The following PTCH2 variants were observed in gnomAD, a reference collection of about 807,000 sequenced individuals.
PTCH2 encodes protein patched homolog 2.
A neutral mutation model predicts 117.9 loss-of-function variants in PTCH2; 96 were observed. That is an observed-to-expected ratio of 0.81 (90% CI 0.69 to 0.96). The LOEUF (loss-of-function observed/expected upper bound fraction) is 0.96. PTCH2 is among the 50% of genes least tolerant of loss of function. The pLI, the probability that PTCH2 is intolerant of heterozygous loss-of-function variation, is 0.00. For missense variants in PTCH2, 1,379 were observed against 1,562.5 expected, an observed-to-expected ratio of 0.88 and a Z score of 1.98; for synonymous variants, 615 against 660.9, an observed-to-expected ratio of 0.93 and a Z score of 1.06.
At chr1:44,820,193 GTGCACCATGGGTA>G (rs1369284644), downstream of PTCH2, 1 of 353,694 alleles carries the variant, frequency 2.8e-6, no homozygotes, top group Non-Finnish European at 5.7e-6. Flanking sequence ...TCTTTTCGTG[GTGCACCATGGGTA>G]TGCAAATCAC....
intron 2 of PTCH2, 39 bp downstream of exon 2, chr1:44,841,808 A>T (rs1444584311): frequency 3.1e-6 from 5 of 1,606,194 alleles, no homozygotes; most frequent in South Asian, 1.1e-5. Flanking sequence ...TCTTGGGCTC[A>T]CCATACCTGA....
At chr1:44,824,123 AT>A (rs1336952391) in intron 19 of PTCH2, among the ~76,000 whole-genome samples, 1 of 152,196 alleles carries the variant, frequency 6.6e-6, no homozygotes, top group African/African-American at 2.4e-5. Context: ...AATAGTTATT[AT>A]TTGGTCCTAT....
chr1:44,827,194 G>A lies in PTCH2; in HGVS notation c.2487C>T (p.Asp829=), dbSNP rs2295996. The change falls in exon 16 of 22, where the codon GAC becomes GAT. Residue 829 remains aspartate (D), a synonymous_variant. Coordinates refer to ENST00000372192, the MANE Select transcript of PTCH2 (RefSeq NM_003738.5). ...GGCTGAAATCCAGAGGCTCCTGGGC[G>A]TCTCCAGTCTGGATGAGCAGCTTGT... ...LAYKLLIQTG[D]AQEPLDFSQL... 265,440 of 1,613,950 alleles carry A rather than the reference G, an allele frequency of 0.16. 22,384 individuals carry two copies. The highest frequency in any genetic ancestry group is 0.23 in the East Asian group (10,252 of 44,858).
rs990727761 is a variant in PTCH2 at position 44,836,576 on chromosome 1, G to A, written c.266-4235C>T. Reference sequence around the variant, plus strand: ...TACAAAAATTAGCCAGGCGTGGTGCGCACCTGTAATCCCAGCTACTGAGGA... The same window carrying A: ...TACAAAAATTAGCCAGGCGTGGTGCACACCTGTAATCCCAGCTACTGAGGA... On this transcript the variant is annotated intron_variant, in intron 2 of 21. Coordinates refer to ENST00000372192, the MANE Select transcript of PTCH2 (RefSeq NM_003738.5). Among the ~76,000 whole-genome samples, 7 of 152,070 alleles carry A rather than the reference G, an allele frequency of 4.6e-5. 1 individual carries two copies. The highest frequency in any genetic ancestry group is 1.2e-4 in the African/African-American group (5 of 41,464).
At position 44,826,510 on chromosome 1, in the gene PTCH2, T is replaced by C. The variant is rs752127255; in HGVS notation, c.2954A>G (p.Asn985Ser). 1.2e-5 allele frequency: 19 copies of C among 1,613,084 alleles called. No homozygotes were observed. The highest frequency in any genetic ancestry group is 1.6e-4 in the Middle Eastern group (1 of 6,064). Residue 985 changes from asparagine (N) to serine (S), a missense_variant, in exon 18 of 22, where the codon AAC becomes AGC. Coordinates refer to ENST00000372192, the MANE Select transcript of PTCH2 (RefSeq NM_003738.5). This position sits in a 1 kb window ranked among gnomAD's most constrained non-coding sequence, Gnocchi z 5.1. Reference sequence around the variant, plus strand: ...CACTATGAGGCCAGCCGTCCAGGGGTTGAGGAGCAGCAGAGCACAGACGAG... The same window carrying C: ...CACTATGAGGCCAGCCGTCCAGGGGCTGAGGAGCAGCAGAGCACAGACGAG... ...TFLVCALLLL[N>S]PWTAGLIVLV...
Position 44,822,820 on chromosome 1 carries a change from G to C in PTCH2, c.3358-151C>G, listed in dbSNP as rs72883548. On this transcript the variant is annotated intron_variant, in intron 21 of 21. Coordinates refer to ENST00000372192, the MANE Select transcript of PTCH2 (RefSeq NM_003738.5). ...GAGAGCTGGCAGGCGACAGGATGTTGAGGCCTGGGGCAAACCCTGCACCTT... is the reference window on the plus strand; with the variant it reads ...GAGAGCTGGCAGGCGACAGGATGTTCAGGCCTGGGGCAAACCCTGCACCTT... 1.8e-3 allele frequency: 1,647 copies of C among 933,278 alleles called. 24 individuals carry two copies. The African/African-American group carries it at 0.025, about 14-fold the overall frequency. 57.8% of individuals were successfully genotyped at this position (933,278 alleles called of 1,614,324 possible).
rs1573637661 is a variant in PTCH2, at chr1:44,821,957, T to C, written c.*458A>G. 9.8e-6 allele frequency: 13 copies of C among 1,322,838 alleles called. No homozygotes were observed. Among genetic ancestry groups the C allele is most frequent in the Admixed American group, 6.8e-5 (3 of 44,128 alleles). The allele number at this position is 1,322,838 out of a possible 1,614,324, so 81.9% of individuals were successfully genotyped here. On this transcript the variant is annotated 3_prime_UTR_variant, in exon 22 of 22. Transcript: ENST00000372192. ...CTGAGATTAGTTCACATAGAATATA[T>C]TTCATTCTTTAAAAAATAAAACTTT... is the stretch of plus-strand genomic sequence containing the variant.
Position 44,826,921 on chromosome 1 carries a change from G to A in PTCH2, c.2676C>T (p.Thr892=). 6.2e-7 allele frequency: 1 copy of A among 1,614,028 alleles called. No individual in the cohort carries two copies. The highest frequency in any genetic ancestry group is 2.2e-5 in the East Asian group (1 of 44,878). ...PPEWLHDKYD[T]TGENLRIPPA... ...ACTCACTGCGAAGGTTCTCCCCCGTGGTGTCGTATTTGTCGTGCAGCCATT... is the reference window on the plus strand; with the variant it reads ...ACTCACTGCGAAGGTTCTCCCCCGTAGTGTCGTATTTGTCGTGCAGCCATT... Residue 892 remains threonine, a synonymous_variant, in exon 17 of 22, where the codon ACC becomes ACT. Transcript: ENST00000372192. This position sits in a 1 kb window ranked among gnomAD's most constrained non-coding sequence, Gnocchi z 5.1.
rs201618166 is a variant in PTCH2 at position 44,826,532 on chromosome 1, C to G, written c.2932G>C (p.Val978Leu). 1.2e-6 allele frequency: 2 copies of G among 1,613,776 alleles called. No homozygotes were observed. Among genetic ancestry groups the G allele is most frequent in the Non-Finnish European group, 1.7e-6 (2 of 1,180,006 alleles). Residue 978 changes from valine (V) to leucine (L), a missense_variant, in exon 18 of 22, where the codon GTC becomes CTC. Transcript: ENST00000372192. The surrounding 1 kb of genome is among the most constrained non-coding windows in gnomAD (Gnocchi z 5.1). ...VCILLVCTFL[V>L]CALLLLNPWT... is the part of the protein sequence containing the mutation. ...GGGTTGAGGAGCAGCAGAGCACAGACGAGGAAAGTGCACACCAGCAGGATG... is the reference window on the plus strand; with the variant it reads ...GGGTTGAGGAGCAGCAGAGCACAGAGGAGGAAAGTGCACACCAGCAGGATG...
At chr1:44,835,531 T>C (rs1350604442) in intron 2 of PTCH2, among the ~76,000 whole-genome samples, 1 of 152,202 alleles carries the variant, frequency 6.6e-6, no homozygotes, top group Non-Finnish European at 1.5e-5. Flanking sequence ...AAGAGTACAC[T>C]CTAACCCACC....
At position 44,827,645 on chromosome 1, in the gene PTCH2, C is replaced by T. The variant is rs748852529; in HGVS notation, c.2128G>A (p.Gly710Ser). The change falls in exon 15 of 22, where the codon GGC becomes AGC. Residue 710 changes from glycine (G) to serine (S), a missense_variant. Gly to Ser is a moderately conservative substitution (Grantham distance 56, BLOSUM62 0). Transcript: ENST00000372192. ...SLYGATLVQD[G>S]LALTDVVPRG... is the part of the protein sequence containing the mutation. ...GGCACCACATCCGTCAGGGCCAGGC[C>T]GTCTTGCACCAAGGTGGCTCCGTAG... 2.1e-5 allele frequency: 34 copies of T among 1,613,292 alleles called. No homozygotes were observed. Among genetic ancestry groups the T allele is most frequent in the South Asian group, 7.7e-5 (7 of 91,092 alleles).
intron 19 of PTCH2, among the ~76,000 whole-genome samples, chr1:44,825,967 C>G (rs1653124765): frequency 6.6e-6 from 1 of 151,788 alleles, no homozygotes; most frequent in African/African-American, 2.4e-5. Flanking sequence ...GCCTCAGCCT[C>G]CAAAGTAGCT....
rs1557647219 is a variant in PTCH2 at position 44,831,277 on chromosome 1, C to A, written c.618-234G>T. On this transcript the variant is annotated intron_variant, in intron 5 of 21. Coordinates refer to ENST00000372192, the MANE Select transcript of PTCH2 (RefSeq NM_003738.5). This position sits in a 1 kb window ranked among gnomAD's most constrained non-coding sequence, Gnocchi z 4.3. ...TGAGACGAATATCAGGGCAGGGTTA[C>A]CTAATACATAGAAAGGGCCCAGAAA... Among the ~76,000 whole-genome samples the A allele has an allele frequency of 6.6e-6, 1 of 152,200 alleles. No individual in the cohort carries two copies. The highest frequency in any genetic ancestry group is 2.4e-5 in the African/African-American group (1 of 41,446).
In PTCH2 at chr1:44,842,803, G is replaced by A; in HGVS notation, c.72+58C>T. ...TCAAGACATCACAAACCTTGCAGAGGCCCGAGTGACAGACCTGGCTCCGCT... is the reference window on the plus strand; with the variant it reads ...TCAAGACATCACAAACCTTGCAGAGACCCGAGTGACAGACCTGGCTCCGCT... On this transcript the variant is annotated intron_variant, in intron 1 of 21. Coordinates refer to ENST00000372192, the MANE Select transcript of PTCH2 (RefSeq NM_003738.5). 4.1e-6 allele frequency: 6 copies of A among 1,470,454 alleles called. No individual in the cohort carries two copies. In the South Asian group the frequency reaches 7.3e-5, roughly 18 times the overall value. 91.1% of individuals were successfully genotyped at this position (1,470,454 alleles called of 1,614,324 possible).
In PTCH2 at chr1:44,822,329, G is replaced by T. The variant is rs1304667122; in HGVS notation, c.*86C>A. The T allele has an allele frequency of 6.2e-7, 1 of 1,604,380 alleles. No homozygotes were observed. The highest frequency in any genetic ancestry group is 1.7e-5 in the Admixed American group (1 of 59,954). On this transcript the variant is annotated 3_prime_UTR_variant, in exon 22 of 22. Coordinates refer to ENST00000372192, the MANE Select transcript of PTCH2 (RefSeq NM_003738.5). ...TGCAGCAGCAGCAGGGCCCTCCAGG[G>T]GTCCATCCTGCGTCTAACACCAGAC... is the stretch of plus-strand genomic sequence containing the variant.
Position 44,822,326 on chromosome 1 carries a change from A to C in PTCH2, c.*89T>G. ...GGATGCAGCAGCAGCAGGGCCCTCC[A>C]GGGGTCCATCCTGCGTCTAACACCA... is the stretch of plus-strand genomic sequence containing the variant. On this transcript the variant is annotated 3_prime_UTR_variant, in exon 22 of 22. Transcript: ENST00000372192. The C allele has an allele frequency of 6.2e-7, 1 of 1,603,712 alleles. No homozygotes were observed. Among genetic ancestry groups the C allele is most frequent in the South Asian group, 1.1e-5 (1 of 90,910 alleles).
At chr1:44,834,612 A>G (rs998213814) in intron 2 of PTCH2, among the ~76,000 whole-genome samples, 3 of 152,240 alleles carry the variant, frequency 2.0e-5, no homozygotes, top group African/African-American at 7.2e-5. Flanking sequence ...GAGAGATCTG[A>G]TAAGAAAGCA....
chr1:44,822,707 C>G, intron 21 of PTCH2, 38 bp from the exon 22 acceptor site: 2 of 1,599,444 alleles, frequency 1.3e-6, no homozygotes, highest in Non-Finnish European at 1.7e-6. Flanking sequence ...CCCACGGGCC[C>G]CTGGGGCTCC....
chr1:44,824,481 G>A (rs1653054819), intron 19 of PTCH2, among the ~76,000 whole-genome samples: 1 of 139,476 alleles, frequency 7.2e-6, no homozygotes, highest in South Asian at 2.3e-4. Flanking sequence ...AGCCCACATT[G>A]CCATCCCGCT....
Sources: gnomAD v4.1 joint callset for allele counts (sites outside exome capture counted in the v4.1 genomes callset) on GRCh38, gnomAD v4.1.1 for gene constraint, Gnocchi (gnomAD v3.1) non-coding constraint, MANE v1.5 for transcripts, NCBI Gene and HGNC (gene_info 2026-07-23, HGNC 2026-07-21) for gene names.